ECHS1: variants seen among roughly 807,000 people sequenced by gnomAD.
ECHS1 encodes enoyl-CoA hydratase, short chain 1.
In ECHS1, 19 loss-of-function variants were observed where a neutral mutation model predicts 33.5. The ratio of observed to expected loss-of-function variants is 0.57; its 90% confidence interval spans 0.40 to 0.83. The LOEUF (loss-of-function observed/expected upper bound fraction) is 0.83, where lower values mean the gene tolerates loss of function less well. ECHS1 is among the 40% of genes least tolerant of loss of function. The pLI, the probability that ECHS1 is intolerant of heterozygous loss-of-function variation, is 0.00. For missense variants in ECHS1, 365 were observed against 381.3 expected (o/e 0.96, Z 0.36); for synonymous variants, 158 against 146.6 (o/e 1.08, Z -0.56).
At chr10:133,363,838 TG>T (rs1318898035) in intron 7 of ECHS1, among the ~76,000 whole-genome samples, 1 of 152,236 alleles carries the variant, frequency 6.6e-6, no homozygotes, top group Non-Finnish European at 1.5e-5. Context: ...TTTAAGTTAC[TG>T]GCAGAAATCT....
rs1848980014 is a variant in ECHS1 at position 133,362,658 on chromosome 10, AT to A, written c.*209del. 1.7e-6 allele frequency: 1 copy of A among 600,808 alleles called. No homozygotes were observed. Among genetic ancestry groups the A allele is most frequent in the African/African-American group, 1.9e-5 (1 of 53,862 alleles). 37.2% of individuals were successfully genotyped at this position (600,808 alleles called of 1,614,324 possible). A position where few individuals can be genotyped will look rare whatever the true frequency, so the allele number is the denominator to read the frequency against. On this transcript the variant is annotated 3_prime_UTR_variant, in exon 8 of 8. Transcript: ENST00000368547. ...CGGGGGCTCCTCAGCAGAATCTTAG[AT>A]TTAGAAGGTGCTCCAGTCAGGACCC... is the stretch of plus-strand genomic sequence containing the variant.
Position 133,373,318 on chromosome 10 carries a change from C to T in ECHS1, c.16G>A (p.Val6Ile), listed in dbSNP as rs1490546249. 6.7e-6 allele frequency: 10 copies of T among 1,503,582 alleles called. No homozygotes were observed. The highest frequency in any genetic ancestry group is 1.2e-5 in the South Asian group (1 of 81,500). The allele number at this position is 1,503,582 out of a possible 1,614,324, so 93.1% of individuals were successfully genotyped here. A position where few individuals can be genotyped will look rare whatever the true frequency, so the allele number is the denominator to read the frequency against. Reference sequence around the variant, plus strand: ...GGGCCGCGGACGCAGGACAGCAGGACACGCAGGGCGGCCATGGCTCTCTGG... The same window carrying T: ...GGGCCGCGGACGCAGGACAGCAGGATACGCAGGGCGGCCATGGCTCTCTGG... MAALRVLLSCVRGPLR... is the reference protein window; with the variant it reads MAALRILLSCVRGPLR... Residue 6 changes from valine (V) to isoleucine (I), a missense_variant, in exon 1 of 8, where the codon GTC becomes ATC. Transcript: ENST00000368547.
intron 1 of ECHS1, among the ~76,000 whole-genome samples, chr10:133,372,842 G>A (rs957892685): frequency 2.1e-5 from 3 of 141,656 alleles, no homozygotes; most frequent in African/African-American, 8.1e-5. Context: ...GGGGCTGCGG[G>A]TCGGGGTCAG....
rs540605756 is a variant in ECHS1, at chr10:133,370,853, G to C, written c.89-96C>G. 4.6e-6 allele frequency: 6 copies of C among 1,307,314 alleles called. No individual in the cohort carries two copies. In the Admixed American group the frequency reaches 1.6e-4, roughly 35 times the overall value. The allele number at this position is 1,307,314 out of a possible 1,614,324, so 81.0% of individuals were successfully genotyped here. On this transcript the variant is annotated intron_variant, in intron 1 of 7. Transcript: ENST00000368547. The stretch of plus-strand genomic sequence containing the variant: ...GTGGCCCCATCGGTGGATACAGTGT[G>C]ACCCCAAGAGGCCCTCTGAGGGCTC...
Position 133,366,950 on chromosome 10 carries a change from C to T in ECHS1, c.558G>A (p.Ser186=), listed in dbSNP as rs756427513. 2.7e-5 allele frequency: 43 copies of T among 1,612,654 alleles called. No homozygotes were observed. Among genetic ancestry groups the T allele is most frequent in the Non-Finnish European group, 3.2e-5 (38 of 1,179,970 alleles). The change falls in exon 5 of 8, where the codon TCG becomes TCA. Residue 186 remains serine (S), a synonymous_variant. Transcript: ENST00000368547. ...TQRLTRAVGK[S]LAMEMVLTGD... ...CAGTGAGGACCATCTCCATCGCCAG[C>T]GACTTCCCAACAGCACGGGTGAGTC...
chr10:133,370,906 G>A (rs758923247), intron 1 of ECHS1, 149 bp from the exon 2 acceptor site: 330 of 640,288 alleles, frequency 5.2e-4, no homozygotes, highest in Non-Finnish European at 7.5e-4. Context: ...GGCTCCAGGT[G>A]TAGCTCTCAG....
chr10:133,372,454 G>C (rs1268594124), intron 1 of ECHS1, among the ~76,000 whole-genome samples: 1 of 152,172 alleles, frequency 6.6e-6, no homozygotes, highest in Non-Finnish European at 1.5e-5. Context: ...GGTGGCCCTG[G>C]TCAGGAGGCA....
chr10:133,370,163 C>T (rs1220342931), intron 2 of ECHS1, 132 bp from the exon 3 acceptor site: 6 of 1,280,856 alleles, frequency 4.7e-6, no homozygotes, highest in South Asian at 1.5e-5. Flanking sequence ...CGGCTGACAC[C>T]AGGCCACGTG....
intron 1 of ECHS1, among the ~76,000 whole-genome samples, chr10:133,371,246 C>T (rs1368898382): frequency 6.6e-6 from 1 of 151,908 alleles, no homozygotes; most frequent in Non-Finnish European, 1.5e-5. Flanking sequence ...CACTGCACTC[C>T]AGCCTGGGTG....
intron 1 of ECHS1, among the ~76,000 whole-genome samples, chr10:133,372,013 T>A (rs1477961127): frequency 6.6e-6 from 1 of 152,084 alleles, no homozygotes; most frequent in Non-Finnish European, 1.5e-5. Context: ...GCCAAGGTGG[T>A]CTTGATGACC....
At chr10:133,373,169 C>G in intron 1 of ECHS1, 77 bp downstream of exon 1, 1 of 1,188,878 alleles carries the variant, frequency 8.4e-7, no homozygotes, top group Non-Finnish European at 1.1e-6. Flanking sequence ...GAGGGGGGTG[C>G]GGTCTGGGAT....
At chr10:133,363,242 T>A (rs1848986823) in intron 7 of ECHS1, among the ~76,000 whole-genome samples, 1 of 152,230 alleles carries the variant, frequency 6.6e-6, no homozygotes, top group South Asian at 2.1e-4. Flanking sequence ...ATCAACTGGA[T>A]GATGGGTGGC....
chr10:133,362,996 A>G (rs1381262991), intron 7 of ECHS1, 63 bp from the exon 8 acceptor site: 4 of 1,578,012 alleles, frequency 2.5e-6, no homozygotes, highest in Non-Finnish European at 3.5e-6. Flanking sequence ...CCTGATGCCA[A>G]TGTCCGCCCG....
intron 5 of ECHS1, among the ~76,000 whole-genome samples, 187 bp from the exon 6 acceptor site, chr10:133,366,282 G>C (rs978242404): frequency 3.9e-5 from 6 of 152,246 alleles, no homozygotes; most frequent in African/African-American, 1.4e-4. Context: ...TCGGCACTGC[G>C]GTCACTGTGC....
intron 1 of ECHS1, among the ~76,000 whole-genome samples, chr10:133,371,199 C>T (rs879713678): frequency 7.2e-5 from 11 of 152,004 alleles, no homozygotes; most frequent in Middle Eastern, 3.2e-3. Flanking sequence ...GTGGCATGAA[C>T]CCAGGAGGTG....
Position 133,366,111 on chromosome 10 carries a change from G to A in ECHS1, c.620-16C>T, listed in dbSNP as rs1267543367. On this transcript the variant is annotated splice_polypyrimidine_tract_variant and intron_variant, in intron 5 of 7. Coordinates refer to ENST00000368547, the MANE Select transcript of ECHS1 (RefSeq NM_004092.4). Reference sequence around the variant, plus strand: ...CTGACAAGACCTGAAACACAAGAAAGTCAGTGAGTGATGTGCAGAAACAGC... The same window carrying A: ...CTGACAAGACCTGAAACACAAGAAAATCAGTGAGTGATGTGCAGAAACAGC... 4 of 1,611,498 alleles carry A rather than the reference G, an allele frequency of 2.5e-6. No homozygotes were observed. The highest frequency in any genetic ancestry group is 3.4e-6 in the Non-Finnish European group (4 of 1,179,186).
chr10:133,367,259 A>C (rs1849046046), intron 4 of ECHS1, among the ~76,000 whole-genome samples: 1 of 152,226 alleles, frequency 6.6e-6, no homozygotes, highest in East Asian at 1.9e-4. Context: ...GTTTCGGTAT[A>C]ATAAAGAAAA....
At chr10:133,371,931 G>A (rs1849114537) in intron 1 of ECHS1, among the ~76,000 whole-genome samples, 1 of 152,120 alleles carries the variant, frequency 6.6e-6, no homozygotes, top group Admixed American at 6.5e-5. Context: ...CGAGTAGCTG[G>A]GACTACGGTC....
In ECHS1 at chr10:133,368,944, T is replaced by C. The variant is rs369622226; in HGVS notation, c.493A>G (p.Ile165Val). The C allele has an allele frequency of 4.3e-6, 7 of 1,613,532 alleles. No homozygotes were observed. In the African/African-American group the frequency reaches 9.3e-5, roughly 22 times the overall value. The change falls in exon 4 of 8, where the codon ATC becomes GTC. Residue 165 changes from isoleucine (I) to valine (V), a missense_variant. Physicochemically the swap from Ile to Val is conservative, Grantham distance 29. Coordinates refer to ENST00000368547, the MANE Select transcript of ECHS1 (RefSeq NM_004092.4). Reference sequence around the variant, plus strand: ...TTACCTGGGATGGTTCCTATTAAGATCTCCGGCTGTGCAAACTGGGCCTTC... The same window carrying C: ...TTACCTGGGATGGTTCCTATTAAGACCTCCGGCTGTGCAAACTGGGCCTTC... ...GEKAQFAQPE[I>V]LIGTIPGAGG... is the part of the protein sequence containing the mutation.
Sources: gnomAD v4.1 joint callset for allele counts (sites outside exome capture counted in the v4.1 genomes callset) on GRCh38, gnomAD v4.1.1 for gene constraint, MANE v1.5 for transcripts, NCBI Gene and HGNC (gene_info 2026-07-23, HGNC 2026-07-21) for gene names.